The following NALF1 variants were observed in gnomAD, a reference collection of about 807,000 sequenced individuals.
NALF1 encodes family with sequence similarity 155 member A.
In NALF1, 3 loss-of-function variants were observed where a neutral mutation model predicts 48.4. The ratio of observed to expected loss-of-function variants is 0.06; its 90% confidence interval spans 0.03 to 0.16. The LOEUF is 0.16. Ranked by LOEUF, NALF1 falls within the 10% of genes least tolerant of loss-of-function variation. NALF1 has a pLI of 1.00. For missense variants in NALF1, 526 were observed against 571.5 expected (o/e 0.92, Z 0.81); for synonymous variants, 262 against 245.7 (o/e 1.07, Z -0.62).
intron 1 of NALF1, among the ~76,000 whole-genome samples, chr13:107,575,043 TCTAA>T (rs773088587): frequency 4.0e-5 from 6 of 151,186 alleles, no homozygotes; most frequent in African/African-American, 7.3e-5. Flanking sequence ...AGGAAGCGAG[TCTAA>T]CTATTTTCAC....
intron 1 of NALF1, among the ~76,000 whole-genome samples, chr13:107,461,027 T>C (rs922805714): frequency 2.0e-5 from 3 of 152,076 alleles, no homozygotes; most frequent in Non-Finnish European, 4.4e-5. Context: ...AAATATAGAG[T>C]AAAAATCAGA....
chr13:107,270,972 T>A (rs1881153615), intron 1 of NALF1, among the ~76,000 whole-genome samples: 2 of 152,184 alleles, frequency 1.3e-5, no homozygotes, highest in South Asian at 4.1e-4. Context: ...GTTTCATCCA[T>A]GATTTTAAAA....
At chr13:107,201,442 T>G (rs1204335103) in intron 2 of NALF1, among the ~76,000 whole-genome samples, 1 of 152,086 alleles carries the variant, frequency 6.6e-6, no homozygotes, top group Non-Finnish European at 1.5e-5. Flanking sequence ...CCGGACGTGG[T>G]GGCGGGCGCC....
chr13:107,674,819 A>G (rs147740549), intron 1 of NALF1, among the ~76,000 whole-genome samples: 11 of 152,204 alleles, frequency 7.2e-5, no homozygotes, highest in Non-Finnish European at 1.3e-4. Flanking sequence ...CCAGGGTGGC[A>G]AAAGTGAAGG....
At chr13:107,849,762 C>A (rs1880263633) in intron 1 of NALF1, among the ~76,000 whole-genome samples, 1 of 152,218 alleles carries the variant, frequency 6.6e-6, no homozygotes, top group Admixed American at 6.5e-5. Flanking sequence ...CACCCACCTG[C>A]AAGCTCTCTT....
intron 1 of NALF1, among the ~76,000 whole-genome samples, chr13:107,249,126 C>A (rs1445996641): frequency 1.3e-5 from 2 of 151,980 alleles, no homozygotes; most frequent in African/African-American, 2.4e-5. Context: ...AGGAAGATTT[C>A]TACTACATTT....
intron 1 of NALF1, among the ~76,000 whole-genome samples, chr13:107,411,934 A>G (rs1253220177): frequency 6.6e-6 from 1 of 152,156 alleles, no homozygotes; most frequent in Non-Finnish European, 1.5e-5. Flanking sequence ...GGTGGCAGCA[A>G]GGTGTGGCAG....
intron 1 of NALF1, among the ~76,000 whole-genome samples, chr13:107,645,127 C>T (rs1403020207): frequency 6.6e-6 from 1 of 151,940 alleles, no homozygotes; most frequent in Non-Finnish European, 1.5e-5. Context: ...CATTAATGTA[C>T]CTAGGAGTCA....
chr13:107,295,234 T>C (rs776286551), intron 1 of NALF1, among the ~76,000 whole-genome samples: 1 of 152,200 alleles, frequency 6.6e-6, no homozygotes, highest in Non-Finnish European at 1.5e-5. Context: ...AGTGATAACA[T>C]GTGGTATTTG....
intron 1 of NALF1, among the ~76,000 whole-genome samples, chr13:107,218,872 T>G (rs1879933617): frequency 6.6e-6 from 1 of 152,182 alleles, no homozygotes; most frequent in South Asian, 2.1e-4. Flanking sequence ...ACACACTACT[T>G]TGGCTGGGAT....
At chr13:107,749,238 T>C (rs1177824238) in intron 1 of NALF1, among the ~76,000 whole-genome samples, 1 of 151,990 alleles carries the variant, frequency 6.6e-6, no homozygotes, top group African/African-American at 2.4e-5. Context: ...ACACATATTT[T>C]TGAAATTTCT....
At chr13:107,849,461 A>G (rs1466379189) in intron 1 of NALF1, among the ~76,000 whole-genome samples, 3 of 152,192 alleles carry the variant, frequency 2.0e-5, no homozygotes, top group African/African-American at 4.8e-5. Context: ...CTTCACCCAC[A>G]TGTCTGGTGC....
intron 1 of NALF1, among the ~76,000 whole-genome samples, chr13:107,412,465 G>A (rs978363295): frequency 6.6e-6 from 1 of 152,036 alleles, no homozygotes; most frequent in South Asian, 2.1e-4. Context: ...TCACTGACTT[G>A]TTGTTGCTGG....
chr13:107,767,072 T>C (rs1210566665), intron 1 of NALF1, among the ~76,000 whole-genome samples: 6 of 151,140 alleles, frequency 4.0e-5, no homozygotes, highest in Non-Finnish European at 8.9e-5. Flanking sequence ...AGGAAAAAAA[T>C]ATAGAAAAGG....
intron 1 of NALF1, among the ~76,000 whole-genome samples, chr13:107,523,106 G>C (rs1876303150): frequency 6.6e-6 from 1 of 152,102 alleles, no homozygotes; most frequent in African/African-American, 2.4e-5. Flanking sequence ...GGATGTCAGA[G>C]GATTAAGGAG....
intron 1 of NALF1, among the ~76,000 whole-genome samples, chr13:107,308,984 T>C (rs1026554251): frequency 6.6e-6 from 1 of 152,260 alleles, no homozygotes; most frequent in African/African-American, 2.4e-5. Context: ...TCTAATTCAA[T>C]GGAAGGCATT....
At chr13:107,299,545 G>T (rs191052424) in intron 1 of NALF1, among the ~76,000 whole-genome samples, 2 of 150,608 alleles carry the variant, frequency 1.3e-5, no homozygotes, top group Non-Finnish European at 2.9e-5. Context: ...TTAAACTTTC[G>T]CTGGCTGATT....
At chr13:107,512,668 G>C (rs954759671) in intron 1 of NALF1, among the ~76,000 whole-genome samples, 1 of 152,110 alleles carries the variant, frequency 6.6e-6, no homozygotes. Context: ...ATTTAGTTCC[G>C]CAGATTGAGG....
At chr13:107,281,402 T>C (rs2138872928) in intron 1 of NALF1, among the ~76,000 whole-genome samples, 1 of 152,256 alleles carries the variant, frequency 6.6e-6, no homozygotes, top group East Asian at 1.9e-4. Context: ...GCAATTGGCA[T>C]AATTTGAGCA....
Sources: allele counts gnomAD v4.1 joint callset (sites outside exome capture counted in the v4.1 genomes callset), GRCh38; gene constraint gnomAD v4.1.1; transcripts MANE v1.5; gene names NCBI Gene and HGNC (gene_info 2026-07-23, HGNC 2026-07-21).